Variants in ADGRL3 observed in about 807,000 individuals in gnomAD.
ADGRL3 encodes the protein adhesion G protein-coupled receptor L3.
A neutral mutation model predicts 153.5 loss-of-function variants in ADGRL3; 62 were observed. That is an observed-to-expected ratio of 0.40 (90% CI 0.33 to 0.50). ADGRL3 has a LOEUF of 0.50. Ranked by LOEUF, ADGRL3 falls within the 20% of genes least tolerant of loss-of-function variation. The probability of loss-of-function intolerance (pLI) is 0.47; values close to 1 mark genes in which losing one functional copy is unlikely to be tolerated. For missense variants in ADGRL3, 1,641 were observed against 1,859.4 expected, an observed-to-expected ratio of 0.88 and a Z score of 2.16; for synonymous variants, 710 against 672.5, an observed-to-expected ratio of 1.06 and a Z score of -0.86.
chr4:61,380,972 C>T (rs1374229218), intron 1 of ADGRL3, among the ~76,000 whole-genome samples: 1 of 151,884 alleles, frequency 6.6e-6, no homozygotes, highest in African/African-American at 2.4e-5. Context: ...CTTCACCCTC[C>T]TGCTCGCCTT....
At chr4:61,421,632 A>G (rs1028164769) in intron 2 of ADGRL3, among the ~76,000 whole-genome samples, 1 of 152,188 alleles carries the variant, frequency 6.6e-6, no homozygotes, top group Non-Finnish European at 1.5e-5. Flanking sequence ...TCATGATTTC[A>G]ACATGATTTA....
At chr4:61,331,176 A>G (rs1447146892) in intron 1 of ADGRL3, among the ~76,000 whole-genome samples, 1 of 152,178 alleles carries the variant, frequency 6.6e-6, no homozygotes, top group Non-Finnish European at 1.5e-5. Context: ...CAAACTTTGC[A>G]TGCATTTTTG....
At chr4:61,381,547 G>T (rs1423872264) in intron 1 of ADGRL3, among the ~76,000 whole-genome samples, 1 of 151,900 alleles carries the variant, frequency 6.6e-6, no homozygotes, top group East Asian at 1.9e-4. Context: ...TATCTGTGGT[G>T]GAGTGGGTTT....
chr4:61,422,123 TG>T (rs1321742776), intron 2 of ADGRL3, among the ~76,000 whole-genome samples: 1 of 152,212 alleles, frequency 6.6e-6, no homozygotes, highest in Non-Finnish European at 1.5e-5. Flanking sequence ...GAGACTGCTT[TG>T]CATTTTCGTG....
intron 4 of ADGRL3, among the ~76,000 whole-genome samples, chr4:61,572,852 C>T (rs532806722): frequency 6.6e-5 from 10 of 152,100 alleles, no homozygotes; most frequent in African/African-American, 2.4e-4. Context: ...GTCTTCAAGG[C>T]TCCATCGTGT....
chr4:61,564,609 A>G (rs748716416), intron 4 of ADGRL3, among the ~76,000 whole-genome samples: 6 of 152,168 alleles, frequency 3.9e-5, no homozygotes, highest in Non-Finnish European at 8.8e-5. Flanking sequence ...TGACTGGAAT[A>G]TCCTTCAAGA....
intron 6 of ADGRL3, among the ~76,000 whole-genome samples, chr4:61,720,927 T>G (rs1219329916): frequency 6.6e-6 from 1 of 152,222 alleles, no homozygotes; most frequent in African/African-American, 2.4e-5. Context: ...TTACTAGTTA[T>G]ATGAGTCTTC....
At chr4:61,835,215 C>T (rs1444239175) in intron 9 of ADGRL3, among the ~76,000 whole-genome samples, 1 of 151,072 alleles carries the variant, frequency 6.6e-6, no homozygotes, top group African/African-American at 2.4e-5. Flanking sequence ...ATGAGGAAAA[C>T]AGGGTTTTTT....
chr4:61,325,172 C>T (rs557449186), intron 1 of ADGRL3, among the ~76,000 whole-genome samples: 13 of 151,970 alleles, frequency 8.6e-5, no homozygotes, highest in East Asian at 3.9e-4. Context: ...ATTAGCTGGG[C>T]GTGGTGGCAT....
chr4:61,341,523 T>C (rs2095808001), intron 1 of ADGRL3, among the ~76,000 whole-genome samples: 1 of 151,254 alleles, frequency 6.6e-6, no homozygotes, highest in South Asian at 2.1e-4. Flanking sequence ...TATATATATT[T>C]ATTATATATA....
intron 1 of ADGRL3, among the ~76,000 whole-genome samples, chr4:61,284,211 C>G (rs769481749): frequency 1.3e-5 from 2 of 151,928 alleles, no homozygotes; most frequent in Non-Finnish European, 2.9e-5. Flanking sequence ...TGAGAGAGGC[C>G]TTCTAAGGTG....
At chr4:61,244,656 AAC>A (rs1481730862) in intron 1 of ADGRL3, among the ~76,000 whole-genome samples, 1 of 151,946 alleles carries the variant, frequency 6.6e-6, no homozygotes, top group African/African-American at 2.4e-5. Flanking sequence ...AGTAATTGGG[AAC>A]ACACAGATGG....
chr4:61,845,251 G>T (rs2149052946), intron 9 of ADGRL3, among the ~76,000 whole-genome samples: 1 of 152,096 alleles, frequency 6.6e-6, no homozygotes, highest in East Asian at 1.9e-4. Flanking sequence ...AAATATTAGA[G>T]AAACATGAAA....
intron 4 of ADGRL3, among the ~76,000 whole-genome samples, chr4:61,524,980 C>A (rs2098551306): frequency 6.6e-6 from 1 of 152,018 alleles, no homozygotes. Flanking sequence ...TAATTTAATT[C>A]ATATATTTCT....
intron 1 of ADGRL3, among the ~76,000 whole-genome samples, chr4:61,211,276 T>C (rs1739887977): frequency 1.3e-5 from 2 of 151,870 alleles, no homozygotes; most frequent in Non-Finnish European, 2.9e-5. Context: ...TCAGGAAAAA[T>C]TGGATACCTC....
intron 2 of ADGRL3, among the ~76,000 whole-genome samples, chr4:61,495,783 A>G (rs1003455615): frequency 5.3e-5 from 8 of 152,150 alleles, no homozygotes; most frequent in South Asian, 2.1e-4. Flanking sequence ...GAATTGTACA[A>G]TCCTGGAGAA....
At chr4:61,830,223 C>A (rs1462762559) in intron 9 of ADGRL3, among the ~76,000 whole-genome samples, 2 of 151,826 alleles carry the variant, frequency 1.3e-5, no homozygotes, top group Non-Finnish European at 2.9e-5. Flanking sequence ...GCCCAGGCTT[C>A]TACAAAAATT....
rs571536580 is a variant in ADGRL3, at chr4:62,027,941, C to G, written c.3396-914C>G. On this transcript the variant is annotated intron_variant, in intron 21 of 26. Transcript: ENST00000683033. ...ACCTCAGGCAAACTGGCTTCAAATA[C>G]CATTCTTTATTATTTCATCATTCTG... is the stretch of plus-strand genomic sequence containing the variant. Among the ~76,000 whole-genome samples, 9 of 151,888 alleles carry G rather than the reference C, an allele frequency of 5.9e-5. No individual in the cohort carries two copies. In the South Asian group the frequency reaches 1.9e-3, roughly 31 times the overall value.
chr4:62,010,528 T>C (rs1352029911), intron 21 of ADGRL3, among the ~76,000 whole-genome samples: 1 of 152,188 alleles, frequency 6.6e-6, no homozygotes, highest in Non-Finnish European at 1.5e-5. Context: ...CCCTACATTA[T>C]GTCTGGAAAT....
Sources: allele counts gnomAD v4.1 joint callset (sites outside exome capture counted in the v4.1 genomes callset), GRCh38; gene constraint gnomAD v4.1.1; transcripts MANE v1.5; gene names NCBI Gene and HGNC (gene_info 2026-07-23, HGNC 2026-07-21).